The following MYB variants were observed in gnomAD, a reference collection of about 807,000 sequenced individuals.
MYB encodes the protein transcriptional activator Myb.
Under a neutral mutation model 92.9 loss-of-function variants are expected in MYB, and 28 were observed. That is an observed-to-expected ratio of 0.30 (90% CI 0.22 to 0.41). MYB has a LOEUF of 0.41. MYB is among the 10% of genes least tolerant of loss of function. The probability of loss-of-function intolerance (pLI) is 1.00; values close to 1 mark genes in which losing one functional copy is unlikely to be tolerated. For synonymous variants in MYB, 295 were observed against 329.1 expected (o/e 0.90, Z 1.12); for missense variants, 679 against 929.3 (o/e 0.73, Z 3.50).
intron 10 of MYB, among the ~76,000 whole-genome samples, chr6:135,198,086 A>G (rs976700769): frequency 6.6e-6 from 1 of 152,194 alleles, no homozygotes; most frequent in African/African-American, 2.4e-5. Context: ...TTGTTTTAAG[A>G]ACAGATTTAG....
At chr6:135,192,245 G>GA (rs1383968422) in intron 5 of MYB, 79 bp from the exon 6 acceptor site, 2 of 1,199,844 alleles carry the variant, frequency 1.7e-6, no homozygotes, top group Admixed American at 1.7e-5. Flanking sequence ...GTCTCTGTTA[G>GA]AAACAGTTTT....
At chr6:135,183,042 T>A (rs1481833123) in intron 1 of MYB, among the ~76,000 whole-genome samples, 2 of 112,896 alleles carry the variant, frequency 1.8e-5, no homozygotes, top group African/African-American at 6.8e-5. Flanking sequence ...GAGCTGAAAC[T>A]GGCAGCAGGA....
At chr6:135,197,773 C>G (rs1429260976) in intron 10 of MYB, among the ~76,000 whole-genome samples, 1 of 152,092 alleles carries the variant, frequency 6.6e-6, no homozygotes, top group Non-Finnish European at 1.5e-5. Context: ...AAATTTAAAG[C>G]TAGAAAATTT....
intron 11 of MYB, 100 bp downstream of exon 11, chr6:135,199,150 AT>A: frequency 1.0e-6 from 1 of 967,808 alleles, no homozygotes; most frequent in Non-Finnish European, 1.5e-6. Flanking sequence ...TATGTGCATA[AT>A]TTTACTGACC....
intron 15 of MYB, 65 bp downstream of exon 15, chr6:135,203,389 T>TGGG (rs2128306936): frequency 8.0e-7 from 1 of 1,246,722 alleles, no homozygotes; most frequent in Non-Finnish European, 1.2e-6. Context: ...TCTTTGGTGG[T>TGGG]GGTGGTGGTG....
At chr6:135,213,844 C>G (rs1397571985) in intron 15 of MYB, among the ~76,000 whole-genome samples, 2 of 152,194 alleles carry the variant, frequency 1.3e-5, no homozygotes, top group African/African-American at 4.8e-5. Flanking sequence ...GTGATCATGC[C>G]AGCCTGGGCA....
chr6:135,196,583 T>C, intron 9 of MYB: 1 of 436,190 alleles, frequency 2.3e-6, no homozygotes, highest in Admixed American at 3.4e-5. Flanking sequence ...AACAAATTTG[T>C]ATTCAGCACC....
intron 15 of MYB, among the ~76,000 whole-genome samples, chr6:135,206,525 GT>G (rs1778962488): frequency 6.6e-6 from 1 of 151,514 alleles, no homozygotes. Flanking sequence ...GTGAAACTCT[GT>G]CTTTACTAAA....
rs1780672854 is a variant in MYB, at chr6:135,217,851, C to T, written c.2170-13C>T. 6.4e-7 allele frequency: 1 copy of T among 1,572,854 alleles called. No homozygotes were observed. The highest frequency in any genetic ancestry group is 8.8e-7 in the Non-Finnish European group (1 of 1,142,668). The stretch of plus-strand genomic sequence containing the variant: ...TTGTCTGACGCTCCTGTTGCCATCC[C>T]TTTCTCCATCAGCCTTGTAGCAGTA... On this transcript the variant is annotated splice_polypyrimidine_tract_variant and intron_variant, in intron 15 of 15. Coordinates refer to ENST00000341911, the MANE Select transcript of MYB (RefSeq NM_001130173.2).
intron 15 of MYB, among the ~76,000 whole-genome samples, chr6:135,212,794 A>C (rs1026303912): frequency 6.6e-6 from 1 of 152,222 alleles, no homozygotes. Flanking sequence ...GTTTAGGGAG[A>C]GAGAACAAGG....
intron 7 of MYB, 36 bp from the exon 8 acceptor site, chr6:135,194,320 A>C (rs760158681): frequency 6.7e-7 from 1 of 1,484,104 alleles, no homozygotes; most frequent in Non-Finnish European, 9.4e-7. Context: ...TTCCAATCAG[A>C]CCTTTGTCTT....
chr6:135,203,655 A>C (rs1342738440), intron 15 of MYB: 40 of 1,266,756 alleles, frequency 3.2e-5, no homozygotes, highest in Non-Finnish European at 4.0e-5. Context: ...GTTTTATAAA[A>C]ATATATCAAT....
rs2128328178 is a variant in MYB at position 135,218,038 on chromosome 6, T to C, written c.*58T>C. 1 of 1,351,690 alleles carries C rather than the reference T, an allele frequency of 7.4e-7. No individual in the cohort carries two copies. The highest frequency in any genetic ancestry group is 2.3e-5 in the East Asian group (1 of 43,518). 83.7% of individuals were successfully genotyped at this position (1,351,690 alleles called of 1,614,324 possible). A position where few individuals can be genotyped will look rare whatever the true frequency, so the allele number is the denominator to read the frequency against. On this transcript the variant is annotated 3_prime_UTR_variant, in exon 16 of 16. Coordinates refer to ENST00000341911, the MANE Select transcript of MYB (RefSeq NM_001130173.2). ...ACACTTCAAGTTGACTTGGGATATA[T>C]CATTCCTCAACATGAAACTTTTCAT...
chr6:135,203,327 A>G lies in MYB; in HGVS notation c.2169+3A>G, dbSNP rs575729933. ...GGTCCCTGGCGAGCCCCTTGCAGGT[A>G]ATTACTATTCCAACATTGGTATTTT... On this transcript the variant is annotated splice_donor_region_variant and intron_variant, in intron 15 of 15. Coordinates refer to ENST00000341911, the MANE Select transcript of MYB (RefSeq NM_001130173.2). 25 of 1,554,692 alleles carry G rather than the reference A, an allele frequency of 1.6e-5. No individual in the cohort carries two copies. The East Asian group carries it at 1.8e-4, about 11-fold the overall frequency.
chr6:135,204,608 G>A lies in MYB; in HGVS notation c.2169+1284G>A, dbSNP rs80199679. 4.0e-3 allele frequency among the ~76,000 whole-genome samples: 605 copies of A among 152,248 alleles called. 2 individuals are homozygous for A. Among genetic ancestry groups the A allele is most frequent in the African/African-American group, 0.014 (571 of 41,548 alleles). The stretch of plus-strand genomic sequence containing the variant: ...GTGAGCTACCGCACCTAGCCAGTGC[G>A]TAGTATTATTGTAAAATAAGGATTG... On this transcript the variant is annotated intron_variant, in intron 15 of 15. Coordinates refer to ENST00000341911, the MANE Select transcript of MYB (RefSeq NM_001130173.2).
rs1775014288 is a variant in MYB, at chr6:135,181,404, G to A, written c.-110G>A. The A allele has an allele frequency of 9.7e-6, 7 of 721,774 alleles. No homozygotes were observed. The highest frequency in any genetic ancestry group is 1.2e-5 in the Non-Finnish European group (7 of 565,290). The allele number at this position is 721,774 out of a possible 1,614,324, so 44.7% of individuals were successfully genotyped here. ...CTGAGAAACTTCGCCCCAGCGGTGC[G>A]GAGCGCCGCTGCGCAGCCGGGGAGG... On this transcript the variant is annotated 5_prime_UTR_variant, in exon 1 of 16. Transcript: ENST00000341911. The surrounding 1 kb of genome is among the most constrained non-coding windows in gnomAD (Gnocchi z 5.3).
In MYB at chr6:135,212,224, C is replaced by CTTTTTTTTTTTTT. The variant is rs545704827; in HGVS notation, c.2170-5619_2170-5607dup. Among the ~76,000 whole-genome samples the CTTTTTTTTTTTTT allele has an allele frequency of 2.4e-3, 80 of 32,888 alleles. 11 individuals carry two copies. Among genetic ancestry groups the CTTTTTTTTTTTTT allele is most frequent in the African/African-American group, 3.4e-3 (30 of 8,776 alleles). 21.6% of individuals were successfully genotyped at this position (32,888 alleles called of 152,430 possible). A position where few individuals can be genotyped will look rare whatever the true frequency, so the allele number is the denominator to read the frequency against. On this transcript the variant is annotated intron_variant, in intron 15 of 15. Coordinates refer to ENST00000341911, the MANE Select transcript of MYB (RefSeq NM_001130173.2). The stretch of plus-strand genomic sequence containing the variant: ...CATCTGATGAGTTGCTTTGGTTTTA[C>CTTTTTTTTTTTTT]TTTTTTTTTTTTTTTTTTTTTTTTT...
chr6:135,202,816 A>G, intron 14 of MYB: 1 of 414,836 alleles, frequency 2.4e-6, no homozygotes, highest in Non-Finnish European at 4.7e-6. Flanking sequence ...ACTTTTCACC[A>G]TTTTTTGCCA....
chr6:135,188,355 C>T (rs1049090487), intron 3 of MYB, among the ~76,000 whole-genome samples: 1 of 152,120 alleles, frequency 6.6e-6, no homozygotes, highest in Non-Finnish European at 1.5e-5. Context: ...TTACTAAGGA[C>T]CCTGGAATTC....
Sources: allele counts gnomAD v4.1 joint callset (sites outside exome capture counted in the v4.1 genomes callset), GRCh38; gene constraint gnomAD v4.1.1; non-coding constraint Gnocchi (gnomAD v3.1); transcripts MANE v1.5; gene names NCBI Gene and HGNC (gene_info 2026-07-23, HGNC 2026-07-21).